The following FBN3 variants were observed in gnomAD, a reference collection of about 807,000 sequenced individuals.
FBN3 encodes the protein fibrillin-3.
FBN3 carries 234 observed loss-of-function variants against 330.1 expected under a neutral mutation model. That is an observed-to-expected ratio of 0.71 (90% CI 0.64 to 0.79). FBN3 has a LOEUF of 0.79. FBN3 is among the 30% of genes least tolerant of loss of function. The probability of loss-of-function intolerance (pLI) is 0.00; values close to 1 mark genes in which losing one functional copy is unlikely to be tolerated. For missense variants in FBN3, 3,606 were observed against 3,886.9 expected (o/e 0.93, Z 1.92); for synonymous variants, 1,458 against 1,517.3 (o/e 0.96, Z 0.91).
Position 8,090,154 on chromosome 19 carries a change from C to G in FBN3, c.6129G>C (p.Lys2043Asn). 1.2e-6 allele frequency: 2 copies of G among 1,614,078 alleles called. No individual in the cohort carries two copies. The highest frequency in any genetic ancestry group is 1.7e-6 in the Non-Finnish European group (2 of 1,180,006). Residue 2043 changes from lysine to asparagine, a missense_variant, in exon 49 of 64, where the codon AAG becomes AAC. By Grantham distance (94) the Lys-to-Asn change is moderately conservative. Coordinates refer to ENST00000600128, the MANE Select transcript of FBN3 (RefSeq NM_032447.5). ...GGTCTCCCCAGCCCTCCCCAGGCCT[C>G]TTACTGCAGCAGCAGCGGGTCTTGG... ...NTTKTRCCCSKRPGEGWGDPC... is the reference protein window; with the variant it reads ...NTTKTRCCCSNRPGEGWGDPC...
At chr19:8,112,191 T>G in intron 30 of FBN3, 92 bp from the exon 31 acceptor site, 4 of 1,349,270 alleles carry the variant, frequency 3.0e-6, no homozygotes, top group Non-Finnish European at 4.1e-6. Flanking sequence ...TCTTCCTCTC[T>G]AGGGGAGAGC....
rs57957109 is a variant in FBN3 at position 8,121,397 on chromosome 19, A to AG, written c.3083-12dup. The AG allele has an allele frequency of 0.32, 506,722 of 1,581,750 alleles. 86,232 individuals are homozygous for AG. The highest frequency in any genetic ancestry group is 0.58 in the African/African-American group (43,043 of 74,044). On this transcript the variant is annotated splice_polypyrimidine_tract_variant and intron_variant, in intron 24 of 63. Transcript: ENST00000600128. This position sits in a 1 kb window ranked among gnomAD's most constrained non-coding sequence, Gnocchi z 4.5. ...GACACTCGTCGATATCTGTGGGGAG[A>AG]GGGGGCAGAGGCCGGAGGCGCCATG...
rs376609508 is a variant in FBN3 at position 8,091,595 on chromosome 19, A to G, written c.5906-5T>C. On this transcript the variant is annotated splice_polypyrimidine_tract_variant and splice_region_variant and intron_variant, in intron 47 of 63. Transcript: ENST00000600128. ...CCTCTGAGCACTCGTCGATATCTGG[A>G]AGGGCAGGGACATGAGCTGGGTGGG... The G allele has an allele frequency of 8.0e-4, 1,290 of 1,613,894 alleles. 19 individuals carry two copies. In the South Asian group the frequency reaches 0.013, roughly 17 times the overall value.
chr19:8,082,703 A>G (rs2081833784), intron 57 of FBN3, among the ~76,000 whole-genome samples: 1 of 152,214 alleles, frequency 6.6e-6, no homozygotes, highest in South Asian at 2.1e-4. Context: ...CATCTTGGCC[A>G]GGCTGGTCTT....
intron 41 of FBN3, among the ~76,000 whole-genome samples, chr19:8,098,635 A>G (rs911875208): frequency 7.2e-5 from 11 of 151,764 alleles, no homozygotes; most frequent in African/African-American, 2.7e-4. Context: ...GACTGTGATG[A>G]AAATGTTCTT....
chr19:8,112,411 C>T (rs2082609788), intron 30 of FBN3, among the ~76,000 whole-genome samples: 1 of 152,136 alleles, frequency 6.6e-6, no homozygotes, highest in African/African-American at 2.4e-5. Context: ...CTTTGGGAGG[C>T]CGAGGCGGGT....
intron 47 of FBN3, among the ~76,000 whole-genome samples, chr19:8,092,712 A>C (rs1223300066): frequency 8.9e-5 from 13 of 145,916 alleles, no homozygotes; most frequent in African/African-American, 3.0e-4. Flanking sequence ...TCCACCAAAA[A>C]AAAAAAAAAA....
intron 61 of FBN3, among the ~76,000 whole-genome samples, chr19:8,074,364 G>C (rs1390871570): frequency 6.6e-6 from 1 of 152,070 alleles, no homozygotes; most frequent in East Asian, 1.9e-4. Context: ...CAAAAGGAGG[G>C]GGCAGAGAAG....
At chr19:8,147,225 C>T (rs754098141) in intron 2 of FBN3, 39 bp from the exon 3 acceptor site, 27 of 1,557,392 alleles carry the variant, frequency 1.7e-5, no homozygotes, top group South Asian at 1.3e-4. Flanking sequence ...AGCCCCTGCC[C>T]GTGTGGACAT....
At chr19:8,113,882 T>G (rs1599373501) in intron 30 of FBN3, among the ~76,000 whole-genome samples, 1 of 145,946 alleles carries the variant, frequency 6.9e-6, no homozygotes, top group Non-Finnish European at 1.5e-5. Context: ...GCGGCACGTG[T>G]GGGAGGCTGA....
intron 8 of FBN3, among the ~76,000 whole-genome samples, chr19:8,141,340 TG>T (rs1350740138): frequency 7.3e-6 from 1 of 136,714 alleles, no homozygotes; most frequent in African/African-American, 2.8e-5. Flanking sequence ...CACTCCAGCC[TG>T]GGTAACAGAG....
rs547486259 is a variant in FBN3, at chr19:8,106,712, A to T, written c.4688-479T>A. ...GGATAGGTGAGTAGACAGGCAAATG[A>T]GTGAATGGGTGGATAAGTGGATGGA... On this transcript the variant is annotated intron_variant, in intron 37 of 63. Transcript: ENST00000600128. 1.5e-3 allele frequency among the ~76,000 whole-genome samples: 218 copies of T among 147,926 alleles called. 1 individual carries two copies. Among genetic ancestry groups the T allele is most frequent in the Non-Finnish European group, 2.4e-3 (162 of 66,852 alleles).
chr19:8,131,958 G>C lies in FBN3; in HGVS notation c.1715-129C>G. On this transcript the variant is annotated intron_variant, in intron 14 of 63. Coordinates refer to ENST00000600128, the MANE Select transcript of FBN3 (RefSeq NM_032447.5). This position sits in a 1 kb window ranked among gnomAD's most constrained non-coding sequence, Gnocchi z 4.5. Reference sequence around the variant, plus strand: ...TCCTTTCCAGTTTCTTGTCTTTCCAGTTTCCTGTTGTCTGTGTCTCTGTCC... The same window carrying C: ...TCCTTTCCAGTTTCTTGTCTTTCCACTTTCCTGTTGTCTGTGTCTCTGTCC... 9.1e-7 allele frequency: 1 copy of C among 1,103,380 alleles called. No homozygotes were observed. Among genetic ancestry groups the C allele is most frequent in the Non-Finnish European group, 1.2e-6 (1 of 809,496 alleles). The allele number at this position is 1,103,380 out of a possible 1,614,324, so 68.3% of individuals were successfully genotyped here. A position where few individuals can be genotyped will look rare whatever the true frequency, so the allele number is the denominator to read the frequency against.
In FBN3 at chr19:8,138,492, G is replaced by A. The variant is rs1205583354; in HGVS notation, c.938C>T (p.Thr313Ile). 13 of 1,613,214 alleles carry A rather than the reference G, an allele frequency of 8.1e-6. No individual in the cohort carries two copies. Among genetic ancestry groups the A allele is most frequent in the Non-Finnish European group, 1.1e-5 (13 of 1,180,024 alleles). ...RCAGDLAGHY[T>I]RRQCCCDRGR... ...CCTGTCACAGCAGCACTGCCTGCGA[G>A]TGTAGTGGCCGGCGAGGTCTCCAGC... Residue 313 changes from threonine to isoleucine, a missense_variant, in exon 9 of 64, where the codon ACT (threonine) becomes ATT (isoleucine). By Grantham distance (89) the Thr-to-Ile change is moderately conservative. Transcript: ENST00000600128.
chr19:8,111,446 C>T (rs957166955), intron 32 of FBN3, among the ~76,000 whole-genome samples: 7 of 152,048 alleles, frequency 4.6e-5, no homozygotes, highest in Non-Finnish European at 1.0e-4. Context: ...AGGAAGGAAG[C>T]GTCTCATGCA....
chr19:8,108,367 A>G, intron 36 of FBN3, 129 bp from the exon 37 acceptor site: 1 of 667,032 alleles, frequency 1.5e-6, no homozygotes, highest in Non-Finnish European at 2.5e-6. Flanking sequence ...TACTAACGAC[A>G]TCCCCATATC....
chr19:8,126,629 T>C (rs1369420177), intron 19 of FBN3, 24 bp from the exon 20 acceptor site: 1 of 1,603,038 alleles, frequency 6.2e-7, no homozygotes, highest in South Asian at 1.1e-5. Flanking sequence ...GCGGGTCACC[T>C]GTCTCACCTG....
Position 8,111,118 on chromosome 19 carries a change from C to T in FBN3, c.4150G>A (p.Gly1384Arg), listed in dbSNP as rs749227346. 1.9e-6 allele frequency: 3 copies of T among 1,613,454 alleles called. No homozygotes were observed. The highest frequency in any genetic ancestry group is 1.3e-5 in the African/African-American group (1 of 74,932). ...DNGQCLNAPGGYRCECEMGFD... is the reference protein window; with the variant it reads ...DNGQCLNAPGRYRCECEMGFD... ...CCCATCTCACATTCACAGCGGTACCCGCCGGGCGCATTGAGGCACTGCCCG... is the reference window on the plus strand; with the variant it reads ...CCCATCTCACATTCACAGCGGTACCTGCCGGGCGCATTGAGGCACTGCCCG... The change falls in exon 33 of 64, where the codon GGG (glycine) becomes AGG (arginine). Residue 1384 changes from glycine to arginine, a missense_variant. Physicochemically the swap from Gly to Arg is moderately radical, Grantham distance 125. Transcript: ENST00000600128.
chr19:8,084,355 C>T (rs547485651), intron 56 of FBN3, among the ~76,000 whole-genome samples: 19 of 152,014 alleles, frequency 1.2e-4, no homozygotes, highest in African/African-American at 2.2e-4. Context: ...CCACGCAGTC[C>T]GGAACGAGCT....
Sources: gnomAD v4.1 joint callset for allele counts (sites outside exome capture counted in the v4.1 genomes callset) on GRCh38, gnomAD v4.1.1 for gene constraint, Gnocchi (gnomAD v3.1) non-coding constraint, MANE v1.5 for transcripts, NCBI Gene and HGNC (gene_info 2026-07-23, HGNC 2026-07-21) for gene names.